Variants in SPPL2B observed in about 807,000 individuals in gnomAD.
SPPL2B encodes signal peptide peptidase-like 2B.
In SPPL2B, 39 loss-of-function variants were observed where a neutral mutation model predicts 59.7. The observed-to-expected ratio is 0.65, with a 90% confidence interval of 0.51 to 0.85. The LOEUF is 0.85. Ranked by LOEUF, SPPL2B falls within the 40% of genes least tolerant of loss-of-function variation. SPPL2B has a pLI of 0.00. For missense variants in SPPL2B, 865 were observed against 849.0 expected (o/e 1.02, Z -0.23); for synonymous variants, 419 against 370.8 (o/e 1.13, Z -1.49).
intron 8 of SPPL2B, chr19:2,341,251 G>C (rs1265677083): frequency 1.5e-6 from 1 of 670,468 alleles, no homozygotes; most frequent in Non-Finnish European, 2.7e-6. Flanking sequence ...AGAGGCCGGA[G>C]CCCCTGTGGC....
intron 13 of SPPL2B, among the ~76,000 whole-genome samples, chr19:2,348,305 A>C (rs1369855381): frequency 3.0e-4 from 16 of 52,470 alleles, no homozygotes; most frequent in African/African-American, 1.2e-3. Context: ...CCACACACAC[A>C]CTCGCGCTCT....
At chr19:2,328,997 C>T (rs1442628872) in intron 1 of SPPL2B, among the ~76,000 whole-genome samples, 1 of 152,338 alleles carries the variant, frequency 6.6e-6, no homozygotes, top group African/African-American at 2.4e-5. Context: ...CCCTCCGCCG[C>T]TGCAGCGCCA....
At chr19:2,329,677 G>A (rs1323263302) in intron 1 of SPPL2B, among the ~76,000 whole-genome samples, 1 of 152,002 alleles carries the variant, frequency 6.6e-6, no homozygotes, top group South Asian at 2.1e-4. Context: ...CACTCCTCCA[G>A]CCCCACCGCT....
At position 2,353,151 on chromosome 19, in the gene SPPL2B, C is replaced by T. The variant is rs1277911800; in HGVS notation, c.1721C>T (p.Ser574Phe). The change falls in exon 15 of 15, where the codon TCC becomes TTC. Residue 574 changes from serine to phenylalanine, a missense_variant. By Grantham distance (155) the Ser-to-Phe change is radical. Transcript: ENST00000613503. ...PMREPGSPAE[S>F]EGRDQAQPSP... ...CGGGAGCCTGGGAGCCCAGCTGAAT[C>T]CGAGGGCCGGGACCAGGCCCAGCCG... is the stretch of plus-strand genomic sequence containing the variant. 2 of 1,610,254 alleles carry T rather than the reference C, an allele frequency of 1.2e-6. No individual in the cohort carries two copies.
intron 13 of SPPL2B, among the ~76,000 whole-genome samples, chr19:2,350,346 T>A (rs1240180177): frequency 6.9e-6 from 1 of 145,940 alleles, no homozygotes; most frequent in African/African-American, 2.6e-5. Context: ...ACTCACGTGC[T>A]CTCATTCGCT....
intron 13 of SPPL2B, among the ~76,000 whole-genome samples, chr19:2,349,088 T>TCA (rs1969713514): frequency 4.8e-4 from 16 of 33,414 alleles, no homozygotes; most frequent in Admixed American, 6.6e-4. Flanking sequence ...CCACACACAC[T>TCA]CGCGTTCTCA....
Position 2,351,521 on chromosome 19 carries a change from C to G in SPPL2B, c.1442C>G (p.Thr481Arg), listed in dbSNP as rs758009017. The change falls in exon 14 of 15, where the codon ACG becomes AGG. Residue 481 changes from threonine to arginine, a missense_variant. Coordinates refer to ENST00000613503, the MANE Select transcript of SPPL2B (RefSeq NM_152988.3). ...QPALLYLVPCTLVTSCAVALW... is the reference protein window; with the variant it reads ...QPALLYLVPCRLVTSCAVALW... The stretch of plus-strand genomic sequence containing the variant: ...GCTCTCCTCTACCTGGTGCCCTGCA[C>G]GCTGGTGACGAGCTGCGCTGTGGCG... The G allele has an allele frequency of 6.2e-7, 1 of 1,611,242 alleles. No individual in the cohort carries two copies. The highest frequency in any genetic ancestry group is 1.1e-5 in the South Asian group (1 of 91,056).
chr19:2,329,708 T>G (rs1445312959), intron 1 of SPPL2B, among the ~76,000 whole-genome samples: 1 of 152,134 alleles, frequency 6.6e-6, no homozygotes, highest in East Asian at 1.9e-4. Context: ...TGTGGCTGCC[T>G]TTGTCCACCA....
chr19:2,347,132 C>CAG, intron 13 of SPPL2B, among the ~76,000 whole-genome samples: 1 of 151,774 alleles, frequency 6.6e-6, no homozygotes, highest in East Asian at 1.9e-4. Flanking sequence ...CCTCCACACA[C>CAG]ACTTACGCGC....
chr19:2,334,512 C>T (rs1396396711), intron 1 of SPPL2B, 90 bp from the exon 2 acceptor site: 12 of 1,479,156 alleles, frequency 8.1e-6, no homozygotes, highest in African/African-American at 7.1e-5. Context: ...TTCCTGGAGG[C>T]GTCCTCCCCT....
At chr19:2,345,166 G>T in intron 12 of SPPL2B, 87 bp from the exon 13 acceptor site, 1 of 1,105,268 alleles carries the variant, frequency 9.0e-7, no homozygotes, top group Non-Finnish European at 1.4e-6. Flanking sequence ...GGCGCCCACA[G>T]GTGCTCAGGT....
intron 7 of SPPL2B, chr19:2,340,475 G>T (rs1968963799): frequency 3.3e-6 from 2 of 612,984 alleles, no homozygotes; most frequent in East Asian, 6.4e-5. Context: ...AACCCAGAAG[G>T]TTCCCCACAG....
At chr19:2,352,775 G>A (rs1239438136) in intron 14 of SPPL2B, among the ~76,000 whole-genome samples, 171 bp from the exon 15 acceptor site, 1 of 152,186 alleles carries the variant, frequency 6.6e-6, no homozygotes, top group African/African-American at 2.4e-5. Context: ...CAGGGTCCTG[G>A]GTGCCCGTAG....
intron 14 of SPPL2B, among the ~76,000 whole-genome samples, chr19:2,352,634 G>C (rs1296252163): frequency 2.6e-5 from 4 of 152,146 alleles, no homozygotes; most frequent in Non-Finnish European, 4.4e-5. Flanking sequence ...ATTTCAGAAG[G>C]TTCAGGAGAA....
At chr19:2,346,341 C>T (rs1025995345) in intron 13 of SPPL2B, among the ~76,000 whole-genome samples, 1 of 152,252 alleles carries the variant, frequency 6.6e-6, no homozygotes, top group Non-Finnish European at 1.5e-5. Context: ...TCCCCTCGCC[C>T]GATTTTACTG....
At chr19:2,338,892 G>A in intron 4 of SPPL2B, 51 bp downstream of exon 4, 2 of 1,576,104 alleles carry the variant, frequency 1.3e-6, no homozygotes, top group South Asian at 1.1e-5. Flanking sequence ...GGGGCAGGGG[G>A]CTTCGGGCTG....
intron 12 of SPPL2B, among the ~76,000 whole-genome samples, 189 bp downstream of exon 12, chr19:2,344,841 A>G (rs567517025): frequency 3.9e-4 from 59 of 152,208 alleles, no homozygotes; most frequent in African/African-American, 1.4e-3. Flanking sequence ...TGGGTGGGGT[A>G]GGGACCCCCT....
rs1969302260 is a variant in SPPL2B at position 2,345,293 on chromosome 19, A to G, written c.1317A>G (p.Val439=). The G allele has an allele frequency of 1.2e-6, 2 of 1,612,932 alleles. No individual in the cohort carries two copies. Among genetic ancestry groups the G allele is most frequent in the Admixed American group, 3.3e-5 (2 of 59,954 alleles). ...VAYCHRFDIQ[V]QSSRVYFVAC... is the part of the protein sequence containing the mutation. Reference sequence around the variant, plus strand: ...ACTGCCACAGGTTTGACATCCAGGTACAGTCCTCCAGGGTATACTTCGTGG... The same window carrying G: ...ACTGCCACAGGTTTGACATCCAGGTGCAGTCCTCCAGGGTATACTTCGTGG... The change falls in exon 13 of 15, where the codon GTA becomes GTG. Residue 439 remains valine, a synonymous_variant. Coordinates refer to ENST00000613503, the MANE Select transcript of SPPL2B (RefSeq NM_152988.3).
chr19:2,340,289 C>T (rs536646148), intron 7 of SPPL2B, 117 bp downstream of exon 7: 67 of 836,542 alleles, frequency 8.0e-5, no homozygotes, highest in Admixed American at 3.5e-4. Flanking sequence ...AGCAGGCGCT[C>T]CCTCAGTGCT....
Sources: gnomAD v4.1 joint callset for allele counts (sites outside exome capture counted in the v4.1 genomes callset) on GRCh38, gnomAD v4.1.1 for gene constraint, MANE v1.5 for transcripts, NCBI Gene and HGNC (gene_info 2026-07-23, HGNC 2026-07-21) for gene names.